Variants in SLC38A4 observed in about 807,000 individuals in gnomAD.
The protein encoded by SLC38A4 is solute carrier family 38 member 4, also known as sodium-coupled neutral amino acid transporter 4.
In SLC38A4, 20 loss-of-function variants were observed where a neutral mutation model predicts 63.1. That is an observed-to-expected ratio of 0.32 (90% CI 0.22 to 0.46). The LOEUF is 0.46. Ranked by LOEUF, SLC38A4 falls within the 20% of genes least tolerant of loss-of-function variation. The probability of loss-of-function intolerance (pLI) is 1.00; values close to 1 mark genes in which losing one functional copy is unlikely to be tolerated. For missense variants in SLC38A4, 526 were observed against 663.6 expected, an observed-to-expected ratio of 0.79 and a Z score of 2.28; for synonymous variants, 230 against 225.5, an observed-to-expected ratio of 1.02 and a Z score of -0.18.
chr12:46,781,165 A>C (rs1938629687), intron 7 of SLC38A4, among the ~76,000 whole-genome samples: 1 of 152,050 alleles, frequency 6.6e-6, no homozygotes. Context: ...CATTCCACTG[A>C]TGAAGATATA....
intron 3 of SLC38A4, among the ~76,000 whole-genome samples, chr12:46,791,091 G>A (rs1938876778): frequency 6.6e-6 from 1 of 152,156 alleles, no homozygotes; most frequent in Non-Finnish European, 1.5e-5. Context: ...TTAGGAGGGT[G>A]TCCCCTTTAA....
chr12:46,782,622 AT>A (rs1010240984), intron 7 of SLC38A4, among the ~76,000 whole-genome samples: 4 of 151,828 alleles, frequency 2.6e-5, no homozygotes, highest in African/African-American at 9.7e-5. Context: ...TTGTTTTATA[AT>A]TTTTTAAATG....
Position 46,776,933 on chromosome 12 carries a change from G to A in SLC38A4, c.1145C>T (p.Ala382Val). The A allele has an allele frequency of 6.2e-7, 1 of 1,612,132 alleles. No homozygotes were observed. The highest frequency in any genetic ancestry group is 8.5e-7 in the Non-Finnish European group (1 of 1,178,732). ...ITGMLVMYLL[A>V]ALFGYLTFYG... ...GAAGGTTAGGTAACCAAAGAGGGCGGCAAGCAGGTACATGACAAGCATCCC... is the reference window on the plus strand; with the variant it reads ...GAAGGTTAGGTAACCAAAGAGGGCGACAAGCAGGTACATGACAAGCATCCC... The change falls in exon 13 of 17, where the codon GCC becomes GTC. Residue 382 changes from alanine to valine, a missense_variant. Physicochemically the swap from Ala to Val is moderately conservative, Grantham distance 64 (BLOSUM62 0). Transcript: ENST00000266579.
Position 46,775,135 on chromosome 12 carries a change from C to T in SLC38A4, c.1213G>A (p.Val405Met), listed in dbSNP as rs779917701. Residue 405 changes from valine to methionine, a missense_variant, in exon 14 of 17, where the codon GTG becomes ATG. Val to Met is a conservative substitution (Grantham distance 21, BLOSUM62 1). Coordinates refer to ENST00000266579, the MANE Select transcript of SLC38A4 (RefSeq NM_018018.5). Reference protein sequence around the residue: ...EDELLHAYSKVYTLDIPLLMV... With the variant: ...EDELLHAYSKMYTLDIPLLMV... ...AGAAGAGGGATGTCTAATGTATACA[C>T]TTTGCTGTAGGCATGAAGTAATTCA... 2.2e-5 allele frequency: 36 copies of T among 1,612,392 alleles called. No homozygotes were observed. The highest frequency in any genetic ancestry group is 2.8e-5 in the Non-Finnish European group (33 of 1,179,044).
At chr12:46,791,076 A>C (rs1422053024) in intron 3 of SLC38A4, among the ~76,000 whole-genome samples, 1 of 152,162 alleles carries the variant, frequency 6.6e-6, no homozygotes, top group African/African-American at 2.4e-5. Context: ...ACACTATGAC[A>C]GTTCTTAGGA....
At chr12:46,798,369 T>G (rs979289154) in intron 2 of SLC38A4, among the ~76,000 whole-genome samples, 9 of 152,248 alleles carry the variant, frequency 5.9e-5, no homozygotes, top group South Asian at 2.1e-4. Flanking sequence ...ATTCCAGAAA[T>G]CCACCGTGTT....
At chr12:46,815,264 TATATATATATATATATATATACAC>T (rs60366544) in intron 1 of SLC38A4, among the ~76,000 whole-genome samples, 6,858 of 129,274 alleles carry the variant, frequency 0.053, 349 homozygotes, top group East Asian at 0.21. Context: ...TATATATATA[TATATATATATATATATATATACAC>T]ACACACACAC....
At chr12:46,800,729 G>A (rs1387082717) in intron 2 of SLC38A4, among the ~76,000 whole-genome samples, 2 of 152,066 alleles carry the variant, frequency 1.3e-5, no homozygotes, top group South Asian at 4.1e-4. Flanking sequence ...ATGAGAATAG[G>A]AATGCTGCTG....
In SLC38A4 at chr12:46,778,388, C is replaced by G. The variant is rs959202405; in HGVS notation, c.994-20G>C. The stretch of plus-strand genomic sequence containing the variant: ...GGCCGTCTGAAAAACAAAGACAACA[C>G]CACGTGTTTAGCATTCCAACATAGA... On this transcript the variant is annotated intron_variant, in intron 11 of 16. Transcript: ENST00000266579. The G allele has an allele frequency of 6.2e-7, 1 of 1,612,308 alleles. No homozygotes were observed. Among genetic ancestry groups the G allele is most frequent in the Non-Finnish European group, 8.5e-7 (1 of 1,179,012 alleles).
intron 1 of SLC38A4, among the ~76,000 whole-genome samples, chr12:46,819,160 A>G (rs1171400606): frequency 6.6e-6 from 1 of 151,894 alleles, no homozygotes; most frequent in Non-Finnish European, 1.5e-5. Flanking sequence ...ACTAGATTTC[A>G]TCATCAAATA....
At chr12:46,798,782 T>C (rs1390863366) in intron 2 of SLC38A4, among the ~76,000 whole-genome samples, 1 of 152,138 alleles carries the variant, frequency 6.6e-6, no homozygotes, top group Non-Finnish European at 1.5e-5. Context: ...AGCGGTCCTC[T>C]GAGGTGAGTA....
chr12:46,784,607 T>C lies in SLC38A4; in HGVS notation c.428A>G (p.Glu143Gly). The change falls in exon 7 of 17, where the codon GAA becomes GGA. Residue 143 changes from glutamate (E) to glycine (G), a missense_variant. Transcript: ENST00000266579. The part of the protein sequence containing the change: ...GGSLIYEKLG[E>G]KAFGWPGKIG... ...TTTTCCCGGCCATCCAAATGCCTTT[T>C]CTCCTAATTTTTCATAAATCAAAGA... 1 of 1,612,852 alleles carries C rather than the reference T, an allele frequency of 6.2e-7. No individual in the cohort carries two copies. Among genetic ancestry groups the C allele is most frequent in the Non-Finnish European group, 8.5e-7 (1 of 1,179,304 alleles).
intron 5 of SLC38A4, 25 bp from the exon 6 acceptor site, chr12:46,785,202 A>T: frequency 6.4e-6 from 10 of 1,551,946 alleles, no homozygotes; most frequent in Non-Finnish European, 8.9e-6. Context: ...GAGAGTAGGT[A>T]ATAAAGTTTC....
chr12:46,816,800 G>A (rs1221693377), intron 1 of SLC38A4, among the ~76,000 whole-genome samples: 1 of 151,856 alleles, frequency 6.6e-6, no homozygotes, highest in Non-Finnish European at 1.5e-5. Flanking sequence ...ATTTATAATG[G>A]TAGAAACTCA....
At chr12:46,772,811 T>G (rs949348792) in intron 14 of SLC38A4, among the ~76,000 whole-genome samples, 1 of 152,078 alleles carries the variant, frequency 6.6e-6, no homozygotes, top group Non-Finnish European at 1.5e-5. Context: ...AAATAATGCC[T>G]AAAGCTGATA....
rs1433589187 is a variant in SLC38A4 at position 46,766,499 on chromosome 12, T to C, written c.*202A>G. 3.0e-6 allele frequency: 2 copies of C among 660,590 alleles called. No individual in the cohort carries two copies. Among genetic ancestry groups the C allele is most frequent in the Admixed American group, 2.1e-5 (1 of 48,652 alleles). The allele number at this position is 660,590 out of a possible 1,614,324, so 40.9% of individuals were successfully genotyped here. ...GGGTAGAAATGTGCACCACAGGTTTTATTTTAAACACATACACAACCATCC... is the reference window on the plus strand; with the variant it reads ...GGGTAGAAATGTGCACCACAGGTTTCATTTTAAACACATACACAACCATCC... On this transcript the variant is annotated 3_prime_UTR_variant, in exon 17 of 17. Transcript: ENST00000266579.
At chr12:46,827,793 A>G (rs1278286316), upstream of SLC38A4, among the ~76,000 whole-genome samples, 3 of 152,098 alleles carry the variant, frequency 2.0e-5, no homozygotes, top group African/African-American at 4.8e-5. Context: ...AAATGGAAAG[A>G]TAAGACTTTG....
intron 7 of SLC38A4, among the ~76,000 whole-genome samples, chr12:46,782,242 C>A (rs912489849): frequency 6.6e-6 from 1 of 151,870 alleles, no homozygotes; most frequent in East Asian, 1.9e-4. Flanking sequence ...AAATGGGTTG[C>A]CTGTTTGCAA....
chr12:46,770,128 A>G (rs1938387730), intron 14 of SLC38A4, among the ~76,000 whole-genome samples: 1 of 152,112 alleles, frequency 6.6e-6, no homozygotes, highest in Non-Finnish European at 1.5e-5. Context: ...AACAGGCAAG[A>G]CACATAATTA....
Sources: allele counts gnomAD v4.1 joint callset (sites outside exome capture counted in the v4.1 genomes callset), GRCh38; gene constraint gnomAD v4.1.1; transcripts MANE v1.5; gene names NCBI Gene and HGNC (gene_info 2026-07-23, HGNC 2026-07-21).